The following FGFR2 variants were observed in gnomAD, a reference collection of about 807,000 sequenced individuals.
The protein encoded by FGFR2 is fibroblast growth factor receptor 2.
FGFR2 carries 19 observed loss-of-function variants against 95.9 expected under a neutral mutation model. That is an observed-to-expected ratio of 0.20 (90% CI 0.14 to 0.29). FGFR2 has a LOEUF of 0.29. FGFR2 is among the 10% of genes least tolerant of loss of function. The probability of loss-of-function intolerance (pLI) is 1.00; values close to 1 mark genes in which losing one functional copy is unlikely to be tolerated. For synonymous variants in FGFR2, 392 were observed against 393.3 expected (o/e 1.00, Z 0.04); for missense variants, 707 against 1,056.9 (o/e 0.67, Z 4.59).
intron 6 of FGFR2, among the ~76,000 whole-genome samples, chr10:121,536,187 G>A (rs1440085809): frequency 2.0e-5 from 3 of 152,152 alleles, no homozygotes; most frequent in Non-Finnish European, 4.4e-5. Flanking sequence ...AACCCTGTAC[G>A]TCTATATGAG....
chr10:121,504,214 G>A (rs1164957748), intron 9 of FGFR2, among the ~76,000 whole-genome samples: 1 of 151,918 alleles, frequency 6.6e-6, no homozygotes, highest in Non-Finnish European at 1.5e-5. Flanking sequence ...TTTTCTTTCT[G>A]TCCTAATTCC....
At chr10:121,501,126 G>C (rs1278409646) in intron 10 of FGFR2, among the ~76,000 whole-genome samples, 179 bp from the exon 11 acceptor site, 2 of 152,190 alleles carry the variant, frequency 1.3e-5, no homozygotes, top group Admixed American at 1.3e-4. Flanking sequence ...TGACGTTTTA[G>C]AGAATGTCAA....
At chr10:121,482,277 C>A in intron 17 of FGFR2, 1 of 1,079,804 alleles carries the variant, frequency 9.3e-7, no homozygotes, top group Non-Finnish European at 1.4e-6. Flanking sequence ...AAGTTGGTTT[C>A]TTCCCCCCCT....
At chr10:121,509,482 C>CTTTTTTTTTTTTTTTTTTTTT (rs67778522) in intron 9 of FGFR2, among the ~76,000 whole-genome samples, 1 of 45,346 alleles carries the variant, frequency 2.2e-5, no homozygotes, top group African/African-American at 8.6e-5. Flanking sequence ...TGTTTCTTTT[C>CTTTTTTTTTTTTTTTTTTTTT]TTTTTTTTTT....
intron 1 of FGFR2, chr10:121,596,605 TGTCAAGGG>T (rs1447744910): frequency 4.9e-6 from 1 of 204,202 alleles, no homozygotes; most frequent in Admixed American, 6.0e-5. Flanking sequence ...GAGCGGGAGC[TGTCAAGGG>T]GTCAAGGCTA....
chr10:121,582,453 G>C (rs143150657), intron 2 of FGFR2, among the ~76,000 whole-genome samples: 1 of 152,194 alleles, frequency 6.6e-6, no homozygotes, highest in East Asian at 1.9e-4. Flanking sequence ...AGTTGTCATC[G>C]CACGGGGAGC....
intron 2 of FGFR2, among the ~76,000 whole-genome samples, chr10:121,573,839 G>C (rs939060933): frequency 6.6e-6 from 1 of 152,116 alleles, no homozygotes; most frequent in Non-Finnish European, 1.5e-5. Context: ...AATGGCCTTC[G>C]GTTCCCGGTG....
chr10:121,517,559 G>C lies in FGFR2; in HGVS notation c.940-96C>G. ...ACAAGGCGTCGCACCGGGGGCTTCAGGGGGTGCTGGCCACTGGGAGATTCC... is the reference window on the plus strand; with the variant it reads ...ACAAGGCGTCGCACCGGGGGCTTCACGGGGTGCTGGCCACTGGGAGATTCC... On this transcript the variant is annotated intron_variant, in intron 7 of 17. Transcript: ENST00000358487. The surrounding 1 kb of genome is among the most constrained non-coding windows in gnomAD (Gnocchi z 4.7). The C allele has an allele frequency of 6.9e-7, 1 of 1,458,174 alleles. No individual in the cohort carries two copies. The highest frequency in any genetic ancestry group is 9.5e-7 in the Non-Finnish European group (1 of 1,050,838). 90.3% of individuals were successfully genotyped at this position (1,458,174 alleles called of 1,614,324 possible).
In FGFR2 at chr10:121,482,013, A is replaced by G. The variant is rs546713812; in HGVS notation, c.2301+1685T>C. On this transcript the variant is annotated intron_variant, in intron 17 of 17. Coordinates refer to ENST00000358487, the MANE Select transcript of FGFR2 (RefSeq NM_000141.5). ...CCAACACGCCCGGCTAATTTTTTGT[A>G]TCTTTAGTAGAGACAGGGTTTCACC... 1,319 of 525,152 alleles carry G rather than the reference A, an allele frequency of 2.5e-3. 31 individuals are homozygous for G. Among genetic ancestry groups the G allele is most frequent in the South Asian group, 0.025 (1,094 of 44,060 alleles). The allele number at this position is 525,152 out of a possible 1,614,324, so 32.5% of individuals were successfully genotyped here.
chr10:121,484,681 G>A (rs1156944899), intron 16 of FGFR2, among the ~76,000 whole-genome samples: 1 of 152,186 alleles, frequency 6.6e-6, no homozygotes, highest in Non-Finnish European at 1.5e-5. Context: ...CCAGGCACAC[G>A]TCACAAACAC....
chr10:121,550,516 T>C (rs1855228787), intron 5 of FGFR2, among the ~76,000 whole-genome samples: 2 of 152,188 alleles, frequency 1.3e-5, no homozygotes, highest in Admixed American at 1.3e-4. Flanking sequence ...TGTGACGTGC[T>C]CTCAAGAATC....
At chr10:121,501,082 CTT>C (rs1020711307) in intron 10 of FGFR2, 135 bp from the exon 11 acceptor site, 7 of 1,246,378 alleles carry the variant, frequency 5.6e-6, no homozygotes, top group Admixed American at 3.9e-5. Context: ...ACTAATGAGA[CTT>C]AGGGTACACA....
At chr10:121,566,426 G>C (rs562742786) in intron 2 of FGFR2, among the ~76,000 whole-genome samples, 1 of 152,248 alleles carries the variant, frequency 6.6e-6, no homozygotes, top group East Asian at 1.9e-4. Flanking sequence ...GCACTTACAG[G>C]GGTCCTGAAA....
chr10:121,572,706 GCCTT>G (rs1455179685), intron 2 of FGFR2, among the ~76,000 whole-genome samples: 1 of 152,182 alleles, frequency 6.6e-6, no homozygotes, highest in Non-Finnish European at 1.5e-5. Flanking sequence ...CCTTGACCTG[GCCTT>G]CCTTCCCTAA....
chr10:121,496,736 A>G lies in FGFR2; in HGVS notation c.1673-14T>C. ...CATAGAGAGGCCCTGTTGAGGAAGA[A>G]GAGAAGCTCCCTAAAGAGAGAATCC... is the stretch of plus-strand genomic sequence containing the variant. On this transcript the variant is annotated splice_polypyrimidine_tract_variant and intron_variant, in intron 12 of 17. Transcript: ENST00000358487. 1 of 1,611,324 alleles carries G rather than the reference A, an allele frequency of 6.2e-7. No homozygotes were observed. Among genetic ancestry groups the G allele is most frequent in the Non-Finnish European group, 8.5e-7 (1 of 1,179,454 alleles).
At position 121,496,635 on chromosome 10, in the gene FGFR2, G is replaced by A. The variant is rs2133939299; in HGVS notation, c.1760C>T (p.Ser587Phe). Residue 587 changes from serine to phenylalanine, a missense_variant, in exon 13 of 18, where the codon TCC becomes TTC. Transcript: ENST00000358487. Reference protein sequence around the residue: ...RARRPPGMEYSYDINRVPEEQ... With the variant: ...RARRPPGMEYFYDINRVPEEQ... ...CTCAGGAACACGGTTAATGTCATAGGAGTACTCCATCCCGGGTGGCCTCCG... is the reference window on the plus strand; with the variant it reads ...CTCAGGAACACGGTTAATGTCATAGAAGTACTCCATCCCGGGTGGCCTCCG... The A allele has an allele frequency of 1.9e-6, 3 of 1,612,614 alleles. No homozygotes were observed. The highest frequency in any genetic ancestry group is 2.5e-6 in the Non-Finnish European group (3 of 1,179,920).
intron 17 of FGFR2, chr10:121,482,136 C>T (rs1171035427): frequency 6.2e-7 from 1 of 1,609,876 alleles, no homozygotes; most frequent in African/African-American, 1.3e-5. Flanking sequence ...TGCGCCTGAC[C>T]AACTTTTCCC....
At chr10:121,521,572 GCAAATCAGACGAGATCGGGCGCGTTC>G (rs60650200) in intron 6 of FGFR2, among the ~76,000 whole-genome samples, 135,384 of 150,988 alleles carry the variant, frequency 0.9, 62,552 homozygotes, top group East Asian at 1. Context: ...TTAGAGAAAT[GCAAATCAGACGAGATCGGGCGCGTTC>G]CAAATCAAAA....
chr10:121,567,489 C>T (rs1314390399), intron 2 of FGFR2, among the ~76,000 whole-genome samples: 3 of 152,268 alleles, frequency 2.0e-5, no homozygotes, highest in Non-Finnish European at 2.9e-5. Context: ...TACTATACAA[C>T]AAGCCTATTC....
Sources: allele counts gnomAD v4.1 joint callset (sites outside exome capture counted in the v4.1 genomes callset), GRCh38; gene constraint gnomAD v4.1.1; non-coding constraint Gnocchi (gnomAD v3.1); transcripts MANE v1.5; gene names NCBI Gene and HGNC (gene_info 2026-07-23, HGNC 2026-07-21).